Variants in ARHGAP23 observed in about 807,000 individuals in gnomAD.
ARHGAP23 encodes Rho GTPase activating protein 23.
Under a neutral mutation model 136.3 loss-of-function variants are expected in ARHGAP23, and 34 were observed. The ratio of observed to expected loss-of-function variants is 0.25; its 90% CI spans 0.19 to 0.33. The LOEUF (loss-of-function observed/expected upper bound fraction) is 0.33. Among genes scored for constraint, ARHGAP23 ranks in the 10% least tolerant of loss-of-function variants. The pLI, the probability that ARHGAP23 is intolerant of heterozygous loss-of-function variation, is 1.00. For missense variants in ARHGAP23, 1,808 were observed against 2,139.0 expected (o/e 0.85, Z 3.05); for synonymous variants, 832 against 920.5 (o/e 0.90, Z 1.74).
At chr17:38,472,218 G>A (rs1009617498) in intron 11 of ARHGAP23, among the ~76,000 whole-genome samples, 3 of 152,208 alleles carry the variant, frequency 2.0e-5, no homozygotes, top group Admixed American at 2.0e-4. Flanking sequence ...TTTGCTGTGG[G>A]ATGGATCTGA....
Position 38,511,034 on chromosome 17 carries a change from C to T in ARHGAP23, c.*62C>T, listed in dbSNP as rs1169271283. The T allele has an allele frequency of 2.9e-6, 4 of 1,362,344 alleles. No individual in the cohort carries two copies. The highest frequency in any genetic ancestry group is 3.1e-5 in the African/African-American group (2 of 64,882). The allele number at this position is 1,362,344 out of a possible 1,614,324, so 84.4% of individuals were successfully genotyped here. ...CTAGAGCCCCTTTGGAACCAGGAGG[C>T]TTCACCAGCCTGCACCTCCTCTTCT... is the stretch of plus-strand genomic sequence containing the variant. On this transcript the variant is annotated 3_prime_UTR_variant, in exon 24 of 24. Coordinates refer to ENST00000622683, the MANE Select transcript of ARHGAP23 (RefSeq NM_001199417.2).
At chr17:38,505,892 C>A (rs2040624312) in intron 23 of ARHGAP23, among the ~76,000 whole-genome samples, 1 of 152,188 alleles carries the variant, frequency 6.6e-6, no homozygotes, top group South Asian at 2.1e-4. Flanking sequence ...TGCACCATTG[C>A]ATTCCCAGCC....
intron 23 of ARHGAP23, 69 bp from the exon 24 acceptor site, chr17:38,509,875 C>G (rs1034083769): frequency 2.6e-5 from 30 of 1,166,760 alleles, no homozygotes; most frequent in Non-Finnish European, 3.0e-5. Context: ...GGGGGTGGAC[C>G]GGGTAGAGCG....
intron 23 of ARHGAP23, among the ~76,000 whole-genome samples, chr17:38,506,015 T>C (rs1338648513): frequency 3.3e-5 from 5 of 152,202 alleles, no homozygotes; most frequent in South Asian, 2.1e-4. Context: ...AAGGAGTTTA[T>C]GGACCCCCAA....
At chr17:38,472,055 C>G (rs1597805165) in intron 11 of ARHGAP23, 49 bp downstream of exon 11, 1 of 1,469,684 alleles carries the variant, frequency 6.8e-7, no homozygotes, top group East Asian at 2.5e-5. Context: ...GCAGAACCCT[C>G]CAGCCTCTCC....
At chr17:38,508,825 A>G (rs534511140) in intron 23 of ARHGAP23, among the ~76,000 whole-genome samples, 231 of 152,210 alleles carry the variant, frequency 1.5e-3, no homozygotes, top group African/African-American at 5.4e-3. Context: ...GGTTCCGGAT[A>G]GGTGAGTTTT....
In ARHGAP23 at chr17:38,482,454, G is replaced by T. The variant is rs139165577; in HGVS notation, c.2752-69G>T. 437,825 of 1,387,828 alleles carry T rather than the reference G, an allele frequency of 0.32. 71,355 individuals are homozygous for T. The highest frequency in any genetic ancestry group is 0.33 in the Non-Finnish European group (341,048 of 1,023,414). 86.0% of individuals were successfully genotyped at this position (1,387,828 alleles called of 1,614,324 possible). A position where few individuals can be genotyped will look rare whatever the true frequency, so the allele number is the denominator to read the frequency against. On this transcript the variant is annotated intron_variant, in intron 15 of 23. Coordinates refer to ENST00000622683, the MANE Select transcript of ARHGAP23 (RefSeq NM_001199417.2). ...TGGCAGCAGCTCTGGGCCTTGCATT[G>T]TCCCCTTCTTGGCCTCCCCAGCTCC...
intron 1 of ARHGAP23, among the ~76,000 whole-genome samples, chr17:38,448,874 T>C (rs1028898312): frequency 2.7e-5 from 4 of 150,146 alleles, no homozygotes; most frequent in Non-Finnish European, 5.9e-5. Flanking sequence ...TTTTTTTTTT[T>C]TGAGACCGGG....
intron 1 of ARHGAP23, among the ~76,000 whole-genome samples, chr17:38,441,931 TC>T (rs869106544): frequency 6.6e-6 from 1 of 151,518 alleles, no homozygotes; most frequent in Non-Finnish European, 1.5e-5. Context: ...TTGAAGCAGC[TC>T]CCCCCTTTTT....
Position 38,479,497 on chromosome 17 carries a change from G to A in ARHGAP23, c.2498G>A (p.Ser833Asn). ...SKKLNDYRKV[S>N]HSSGPKADSS... is the part of the protein sequence containing the mutation. ...AAGCTTAACGATTATCGCAAAGTGA[G>A]GTGAGGCCCAGCCCTCGTGGAGCAG... Residue 833 changes from serine to asparagine, a missense_variant and splice_region_variant, in exon 13 of 24, where the codon AGC becomes AAC. This residue lies in a region of ARHGAP23 where 139 missense variants were observed against 264.3 expected (regional missense o/e 0.53). Transcript: ENST00000622683. The A allele has an allele frequency of 6.5e-7, 1 of 1,548,268 alleles. No individual in the cohort carries two copies. Among genetic ancestry groups the A allele is most frequent in the Non-Finnish European group, 8.7e-7 (1 of 1,145,584 alleles).
chr17:38,447,199 C>T (rs1469534087), intron 1 of ARHGAP23, among the ~76,000 whole-genome samples: 4 of 151,906 alleles, frequency 2.6e-5, no homozygotes, highest in Admixed American at 6.6e-5. Context: ...CCCAGCACTT[C>T]GGGAGGCCGA....
intron 23 of ARHGAP23, among the ~76,000 whole-genome samples, chr17:38,504,783 GA>G (rs2040592906): frequency 6.6e-6 from 1 of 152,034 alleles, no homozygotes; most frequent in South Asian, 2.1e-4. Context: ...CCTGTCTGTA[GA>G]CGTTCTCCAG....
chr17:38,427,189 A>T (rs569720572), upstream of ARHGAP23, among the ~76,000 whole-genome samples: 1 of 152,352 alleles, frequency 6.6e-6, no homozygotes. Context: ...AAGGCCAGGC[A>T]TGGTGGCTCA....
Position 38,510,312 on chromosome 17 carries a change from G to A in ARHGAP23, c.3816G>A (p.Gly1272=). Residue 1272 remains glycine (G), a synonymous_variant, in exon 24 of 24, where the codon GGG becomes GGA. Coordinates refer to ENST00000622683, the MANE Select transcript of ARHGAP23 (RefSeq NM_001199417.2). This position sits in a 1 kb window ranked among gnomAD's most constrained non-coding sequence, Gnocchi z 4.6. Reference sequence around the variant, plus strand: ...CTAGCGGTCGGCGGGCAGGGGCGGGGGATGAGGCGGACGACGAGCGTAGCG... The same window carrying A: ...CTAGCGGTCGGCGGGCAGGGGCGGGAGATGAGGCGGACGACGAGCGTAGCG... ...SGASGRRAGA[G]DEADDERSEL... The A allele has an allele frequency of 3.9e-6, 5 of 1,278,160 alleles. No homozygotes were observed. The highest frequency in any genetic ancestry group is 4.9e-6 in the Non-Finnish European group (5 of 1,013,496). 79.2% of individuals were successfully genotyped at this position (1,278,160 alleles called of 1,614,324 possible).
chr17:38,457,037 G>A (rs1001434678), intron 1 of ARHGAP23, among the ~76,000 whole-genome samples: 1 of 152,158 alleles, frequency 6.6e-6, no homozygotes, highest in Admixed American at 6.5e-5. Flanking sequence ...AGCCTCTTGA[G>A]TAGCTGGGAT....
At chr17:38,492,209 T>G (rs1362523751) in intron 20 of ARHGAP23, among the ~76,000 whole-genome samples, 1 of 152,196 alleles carries the variant, frequency 6.6e-6, no homozygotes, top group Non-Finnish European at 1.5e-5. Flanking sequence ...GGCCTTGGTT[T>G]TCGAGAGCCC....
chr17:38,499,971 G>A (rs1431863375), intron 22 of ARHGAP23, among the ~76,000 whole-genome samples: 1 of 152,080 alleles, frequency 6.6e-6, no homozygotes, highest in African/African-American at 2.4e-5. Flanking sequence ...GTGATAACTG[G>A]GGACCCTGCC....
At chr17:38,428,039 T>C (rs1315864240), upstream of ARHGAP23, among the ~76,000 whole-genome samples, 6 of 152,216 alleles carry the variant, frequency 3.9e-5, no homozygotes, top group Non-Finnish European at 8.8e-5. Flanking sequence ...TCTGGGTCTC[T>C]GGATCTCTGT....
At chr17:38,420,093 G>T (rs1195136283) in intron 1 of ARHGAP23, among the ~76,000 whole-genome samples, 1 of 152,222 alleles carries the variant, frequency 6.6e-6, no homozygotes, top group African/African-American at 2.4e-5. Flanking sequence ...AATACACTGA[G>T]TGTGGGCTGG....
Sources: allele counts gnomAD v4.1 joint callset (sites outside exome capture counted in the v4.1 genomes callset), GRCh38; gene constraint gnomAD v4.1.1; regional missense constraint gnomAD v4.1.1; non-coding constraint Gnocchi (gnomAD v3.1); transcripts MANE v1.5; gene names NCBI Gene and HGNC (gene_info 2026-07-23, HGNC 2026-07-21).